IMPG1: variants seen among roughly 807,000 people sequenced by gnomAD.
The protein encoded by IMPG1 is interphotoreceptor matrix proteoglycan of 150 kDa.
IMPG1 carries 85 observed loss-of-function variants against 92.0 expected under a neutral mutation model. That is an observed-to-expected ratio of 0.92 (90% CI 0.78 to 1.11). The LOEUF is 1.11. Among genes scored for constraint, IMPG1 ranks in the 50% least tolerant of loss-of-function variants. IMPG1 has a pLI of 0.00. For missense variants in IMPG1, 1,022 were observed against 956.0 expected (o/e 1.07, Z -0.91); for synonymous variants, 367 against 334.1 (o/e 1.10, Z -1.08).
At chr6:76,014,992 C>T (rs1329084616) in intron 7 of IMPG1, among the ~76,000 whole-genome samples, 1 of 152,172 alleles carries the variant, frequency 6.6e-6, no homozygotes, top group Non-Finnish European at 1.5e-5. Flanking sequence ...TCATGGAGCA[C>T]TAACCACTAA....
At chr6:76,017,666 C>T (rs1783314146) in intron 7 of IMPG1, among the ~76,000 whole-genome samples, 1 of 152,136 alleles carries the variant, frequency 6.6e-6, no homozygotes, top group Non-Finnish European at 1.5e-5. Flanking sequence ...CCATAATGGT[C>T]ATCTAGGCAT....
At chr6:75,952,330 T>A (rs1359718934) in intron 12 of IMPG1, among the ~76,000 whole-genome samples, 1 of 152,178 alleles carries the variant, frequency 6.6e-6, no homozygotes, top group African/African-American at 2.4e-5. Flanking sequence ...TGGATGCAGA[T>A]ATAATCTCTG....
chr6:75,998,923 C>T (rs1248465770), intron 12 of IMPG1, among the ~76,000 whole-genome samples: 1 of 152,112 alleles, frequency 6.6e-6, no homozygotes, highest in East Asian at 1.9e-4. Context: ...GTGGAGCGAT[C>T]TTGGCTCACT....
chr6:75,933,699 G>A (rs1781697760), intron 14 of IMPG1, among the ~76,000 whole-genome samples: 1 of 152,214 alleles, frequency 6.6e-6, no homozygotes, highest in South Asian at 2.1e-4. Flanking sequence ...ACATGTCGTT[G>A]CATTTCAGGC....
At chr6:75,973,722 G>A (rs1255227299) in intron 12 of IMPG1, among the ~76,000 whole-genome samples, 4 of 152,202 alleles carry the variant, frequency 2.6e-5, no homozygotes, top group African/African-American at 9.6e-5. Flanking sequence ...AGGCTAGGGT[G>A]GTGAACACAA....
At chr6:76,016,126 AT>A (rs1258364053) in intron 7 of IMPG1, among the ~76,000 whole-genome samples, 1 of 152,238 alleles carries the variant, frequency 6.6e-6, no homozygotes, top group East Asian at 1.9e-4. Context: ...GTTAGCTATT[AT>A]GTCTATACAC....
At position 76,000,081 on chromosome 6, in the gene IMPG1, C is replaced by T. The variant is rs562659461; in HGVS notation, c.1291+2837G>A. Among the ~76,000 whole-genome samples the T allele has an allele frequency of 3.9e-5, 6 of 152,290 alleles. No individual in the cohort carries two copies. The East Asian group carries it at 1.2e-3, about 29-fold the overall frequency. Reference sequence around the variant, plus strand: ...GAGAATTCAGCAGATAAATTTTTCTCCTAAGCAATTACCATGCTGTAAGCA... The same window carrying T: ...GAGAATTCAGCAGATAAATTTTTCTTCTAAGCAATTACCATGCTGTAAGCA... On this transcript the variant is annotated intron_variant, in intron 12 of 16. Coordinates refer to ENST00000369950, the MANE Select transcript of IMPG1 (RefSeq NM_001563.4).
At chr6:75,992,054 C>T (rs1334116841) in intron 12 of IMPG1, among the ~76,000 whole-genome samples, 2 of 152,098 alleles carry the variant, frequency 1.3e-5, no homozygotes, top group Non-Finnish European at 2.9e-5. Flanking sequence ...AGCAGATTAC[C>T]CTACATAGTG....
At chr6:76,054,134 T>C (rs1189005358) in intron 1 of IMPG1, among the ~76,000 whole-genome samples, 2 of 152,148 alleles carry the variant, frequency 1.3e-5, no homozygotes, top group Non-Finnish European at 2.9e-5. Context: ...ACTTGAAAAG[T>C]AGATAATAAT....
In IMPG1 at chr6:75,947,467, C is replaced by T. The variant is rs767150099; in HGVS notation, c.1891G>A (p.Gly631Arg). The T allele has an allele frequency of 1.7e-5, 28 of 1,613,590 alleles. No homozygotes were observed. Among genetic ancestry groups the T allele is most frequent in the Admixed American group, 3.3e-5 (2 of 59,962 alleles). ...ATTTTGCTATTCACAATCACACTCC[C>T]GTTTCTGAAGTTAAGTATTTCAAGT... ...KQLEILNFRN[G>R]SVIVNSKMKF... Residue 631 changes from glycine to arginine, a missense_variant, in exon 14 of 17, where the codon GGG (glycine) becomes AGG (arginine). Gly to Arg is a moderately radical substitution (Grantham distance 125). Coordinates refer to ENST00000369950, the MANE Select transcript of IMPG1 (RefSeq NM_001563.4).
At chr6:75,974,909 G>T (rs186748451) in intron 12 of IMPG1, among the ~76,000 whole-genome samples, 2 of 152,336 alleles carry the variant, frequency 1.3e-5, no homozygotes, top group Admixed American at 1.3e-4. Context: ...ACATTCAGAG[G>T]CTTGGTTTTT....
chr6:75,972,839 G>T (rs1782445880), intron 12 of IMPG1, among the ~76,000 whole-genome samples: 1 of 152,088 alleles, frequency 6.6e-6, no homozygotes, highest in African/African-American at 2.4e-5. Context: ...TGCATTTATG[G>T]CTATCTTATT....
In IMPG1 at chr6:75,929,536, C is replaced by G. The variant is rs1487060175; in HGVS notation, c.2243+1417G>C. 3.1e-4 allele frequency among the ~76,000 whole-genome samples: 35 copies of G among 113,760 alleles called. No individual in the cohort carries two copies. In the East Asian group the frequency reaches 8.6e-3, roughly 28 times the overall value. 74.6% of individuals were successfully genotyped at this position (113,760 alleles called of 152,430 possible). ...GACACAGGAAGGGGAACATCACACA[C>G]AGGGGACTGTTGTGGGGTGGGGGGA... On this transcript the variant is annotated intron_variant, in intron 15 of 16. Transcript: ENST00000369950.
chr6:75,924,696 A>ATATGATAT lies in IMPG1; in HGVS notation c.2244-991_2244-990insATATCATA, dbSNP rs1241036403. Among the ~76,000 whole-genome samples the ATATGATAT allele has an allele frequency of 1.3e-3, 10 of 7,856 alleles. 3 individuals carry two copies. The highest frequency in any genetic ancestry group is 4.8e-3 in the African/African-American group (10 of 2,072). The allele number at this position is 7,856 out of a possible 152,430, so 5.2% of individuals were successfully genotyped here. On this transcript the variant is annotated intron_variant, in intron 15 of 16. Coordinates refer to ENST00000369950, the MANE Select transcript of IMPG1 (RefSeq NM_001563.4). The stretch of plus-strand genomic sequence containing the variant: ...TATATATTATATATTATATATAAAT[A>ATATGATAT]ATTATATATAATATATAATATATAA...
chr6:75,975,850 G>A lies in IMPG1; in HGVS notation c.1292-24756C>T, dbSNP rs1168975556. On this transcript the variant is annotated intron_variant, in intron 12 of 16. Coordinates refer to ENST00000369950, the MANE Select transcript of IMPG1 (RefSeq NM_001563.4). ...GCTCTGAAGTAGCCATAGGCTATACGTAAGTGAATGGGCATGGCTACATTC... is the reference window on the plus strand; with the variant it reads ...GCTCTGAAGTAGCCATAGGCTATACATAAGTGAATGGGCATGGCTACATTC... Among the ~76,000 whole-genome samples the A allele has an allele frequency of 3.3e-5, 5 of 152,210 alleles. No individual in the cohort carries two copies. In the East Asian group the frequency reaches 9.6e-4, roughly 29 times the overall value.
chr6:75,964,721 A>G (rs1782275919), intron 12 of IMPG1, among the ~76,000 whole-genome samples: 1 of 151,778 alleles, frequency 6.6e-6, no homozygotes, highest in Non-Finnish European at 1.5e-5. Context: ...AAAAAATAAT[A>G]TAGAGAGAAT....
At chr6:76,034,510 A>G in intron 3 of IMPG1, 111 bp downstream of exon 3, 1 of 1,278,380 alleles carries the variant, frequency 7.8e-7, no homozygotes. Flanking sequence ...ACCTCCAAGC[A>G]CTTCTTCAAT....
intron 1 of IMPG1, among the ~76,000 whole-genome samples, chr6:76,068,698 G>A (rs1051064467): frequency 6.6e-6 from 1 of 151,486 alleles, no homozygotes; most frequent in African/African-American, 2.4e-5. Flanking sequence ...TATATTTTTA[G>A]TATAGGTGGG....
In IMPG1 at chr6:75,931,044, T is replaced by C. The variant is rs749026436; in HGVS notation, c.2152A>G (p.Ser718Gly). 6.2e-7 allele frequency: 1 copy of C among 1,614,206 alleles called. No homozygotes were observed. The highest frequency in any genetic ancestry group is 1.1e-5 in the South Asian group (1 of 91,086). ...AECRCKPGYD[S>G]QGSLDGLEPG... is the part of the protein sequence containing the mutation. ...TCCAGACCGTCCAGGCTCCCCTGGCTGTCATATCCTGGTTTGCAGCGACAC... is the reference window on the plus strand; with the variant it reads ...TCCAGACCGTCCAGGCTCCCCTGGCCGTCATATCCTGGTTTGCAGCGACAC... Residue 718 changes from serine (S) to glycine (G), a missense_variant, in exon 15 of 17, where the codon AGC becomes GGC. Coordinates refer to ENST00000369950, the MANE Select transcript of IMPG1 (RefSeq NM_001563.4).
Sources: allele counts gnomAD v4.1 joint callset (sites outside exome capture counted in the v4.1 genomes callset), GRCh38; gene constraint gnomAD v4.1.1; transcripts MANE v1.5; gene names NCBI Gene and HGNC (gene_info 2026-07-23, HGNC 2026-07-21).